DYNC2I1: variants seen among roughly 807,000 people sequenced by gnomAD.
The protein encoded by DYNC2I1 is dynein 2 intermediate chain 1.
In DYNC2I1, 89 loss-of-function variants were observed where a neutral mutation model predicts 133.4. The ratio of observed to expected loss-of-function variants is 0.67; its 90% CI spans 0.56 to 0.80. DYNC2I1 has a LOEUF of 0.80. Ranked by LOEUF, DYNC2I1 falls within the 30% of genes least tolerant of loss-of-function variation. DYNC2I1 has a pLI of 0.00. For missense variants in DYNC2I1, 1,291 were observed against 1,314.5 expected (o/e 0.98, Z 0.28); for synonymous variants, 504 against 484.3 (o/e 1.04, Z -0.54).
At chr7:158,884,085 C>T (rs1465085344) in intron 5 of DYNC2I1, among the ~76,000 whole-genome samples, 2 of 149,574 alleles carry the variant, frequency 1.3e-5, no homozygotes, top group Non-Finnish European at 3.0e-5. Flanking sequence ...CGCTCTGTCG[C>T]CCAGGCTGGA....
intron 14 of DYNC2I1, among the ~76,000 whole-genome samples, chr7:158,915,684 TCGACA>T (rs1848109964): frequency 7.7e-6 from 1 of 129,700 alleles, no homozygotes; most frequent in Non-Finnish European, 1.7e-5. Context: ...TTGTGAAACG[TCGACA>T]CGCTGGTTGA....
chr7:158,839,455 C>T, the DYNC2I1 span, among the ~76,000 whole-genome samples: 3 of 151,954 alleles, frequency 2.0e-5, no homozygotes, highest in Non-Finnish European at 1.5e-5. Context: ...TAATGTGACT[C>T]CGTAACACCT....
At chr7:158,947,495 C>G (rs1049691730), downstream of DYNC2I1, among the ~76,000 whole-genome samples, 9 of 152,228 alleles carry the variant, frequency 5.9e-5, no homozygotes, top group Non-Finnish European at 1.2e-4. Context: ...ACAGTTCGTT[C>G]TCTGTCCTGA....
rs757184722 is a variant in DYNC2I1 at position 158,930,517 on chromosome 7, T to TAAG, written c.2546+4_2546+6dup. 3.1e-6 allele frequency: 5 copies of TAAG among 1,612,144 alleles called. No homozygotes were observed. Among genetic ancestry groups the TAAG allele is most frequent in the Non-Finnish European group, 3.4e-6 (4 of 1,179,190 alleles). On this transcript the variant is annotated splice_region_variant and intron_variant, in intron 21 of 24. Coordinates refer to ENST00000407559, the MANE Select transcript of DYNC2I1 (RefSeq NM_018051.5). Reference sequence around the variant, plus strand: ...TGCTCTGATCCAGTTGGGTGACAGGTAAGATGTGAGGGAAAATGCTTCACT... The same window carrying TAAG: ...TGCTCTGATCCAGTTGGGTGACAGGTAAGAAGATGTGAGGGAAAATGCTTCACT...
intron 21 of DYNC2I1, among the ~76,000 whole-genome samples, chr7:158,930,966 C>A (rs1850163777): frequency 6.6e-6 from 1 of 152,168 alleles, no homozygotes. Flanking sequence ...CCACGCCCGG[C>A]CTTGTTAGTC....
At position 158,934,155 on chromosome 7, in the gene DYNC2I1, G is replaced by C. The variant is rs1387135947; in HGVS notation, c.2573G>C (p.Trp858Ser). 1 of 1,611,066 alleles carries C rather than the reference G, an allele frequency of 6.2e-7. No homozygotes were observed. Among genetic ancestry groups the C allele is most frequent in the Non-Finnish European group, 8.5e-7 (1 of 1,179,168 alleles). ...CTTTCCCATAAAGGTAATGAATTTTGGGGCACTACACAAACACTGAATGTT... is the reference window on the plus strand; with the variant it reads ...CTTTCCCATAAAGGTAATGAATTTTCGGGCACTACACAAACACTGAATGTT... ...DSLSHKGNEFWGTTQTLNVKF... is the reference protein window; with the variant it reads ...DSLSHKGNEFSGTTQTLNVKF... Residue 858 changes from tryptophan to serine, a missense_variant, in exon 22 of 25, where the codon TGG becomes TCG. Physicochemically the swap from Trp to Ser is radical, Grantham distance 177 (BLOSUM62 -3). Coordinates refer to ENST00000407559, the MANE Select transcript of DYNC2I1 (RefSeq NM_018051.5).
intron 15 of DYNC2I1, among the ~76,000 whole-genome samples, chr7:158,920,073 GTA>G (rs563833594): frequency 1.5e-3 from 224 of 147,496 alleles, no homozygotes; most frequent in African/African-American, 5.4e-3. Context: ...GTGTGTGTGT[GTA>G]TGGCAGCGCC....
In DYNC2I1 at chr7:158,879,815, A is replaced by T. The variant is rs1469717959; in HGVS notation, c.705A>T (p.Glu235Asp). Reference sequence around the variant, plus strand: ...ACCGAGAAAAAAGCAGCACAAGGGAAAAAAGAGAGAAATATTCCAAAGAGA... The same window carrying T: ...ACCGAGAAAAAAGCAGCACAAGGGATAAAAGAGAGAAATATTCCAAAGAGA... ...NKHREKSSTREKREKYSKEKS... is the reference protein window; with the variant it reads ...NKHREKSSTRDKREKYSKEKS... The change falls in exon 5 of 25, where the codon GAA becomes GAT. Residue 235 changes from glutamate (E) to aspartate (D), a missense_variant. By Grantham distance (45) the Glu-to-Asp change is conservative (BLOSUM62 2). Coordinates refer to ENST00000407559, the MANE Select transcript of DYNC2I1 (RefSeq NM_018051.5). 22 of 1,613,132 alleles carry T rather than the reference A, an allele frequency of 1.4e-5. No homozygotes were observed. The highest frequency in any genetic ancestry group is 1.8e-5 in the Non-Finnish European group (21 of 1,179,610).
chr7:158,893,863 G>GTACCACATATCA (rs1193687702), intron 8 of DYNC2I1, among the ~76,000 whole-genome samples: 3 of 151,036 alleles, frequency 2.0e-5, no homozygotes, highest in Non-Finnish European at 4.4e-5. Context: ...ACCACATATT[G>GTACCACATATCA]TACCACATAT....
At chr7:158,872,893 AG>A (rs1843006496) in intron 3 of DYNC2I1, among the ~76,000 whole-genome samples, 1 of 151,804 alleles carries the variant, frequency 6.6e-6, no homozygotes, top group Non-Finnish European at 1.5e-5. Context: ...TGGGAGGCTG[AG>A]GCATGAGAAT....
intron 1 of DYNC2I1, among the ~76,000 whole-genome samples, chr7:158,864,753 A>G (rs778960659): frequency 2.6e-5 from 4 of 151,854 alleles, no homozygotes; most frequent in African/African-American, 7.3e-5. Flanking sequence ...TAATCTTCCT[A>G]CCTCAGCCTA....
chr7:158,916,183 C>G (rs373458961), intron 14 of DYNC2I1, among the ~76,000 whole-genome samples: 2 of 51,586 alleles, frequency 3.9e-5, no homozygotes, highest in East Asian at 4.2e-4. Flanking sequence ...CGTCGACACG[C>G]TGGTTGACAT....
At chr7:158,868,446 A>G (rs528086387) in intron 1 of DYNC2I1, among the ~76,000 whole-genome samples, 3 of 152,360 alleles carry the variant, frequency 2.0e-5, no homozygotes, top group South Asian at 4.1e-4. Context: ...TGAAAGGTGG[A>G]TTATCCAACG....
In DYNC2I1 at chr7:158,911,621, C is replaced by G; in HGVS notation, c.1532C>G (p.Pro511Arg). ...FSFTFSLLDL[P>R]PVNEYDMYIR... ...TTTACTTTCTCTCTCTTGGATCTAC[C>G]ACCAGTAAATGAATATGACATGTAT... The change falls in exon 12 of 25, where the codon CCA (proline) becomes CGA (arginine). Residue 511 changes from proline to arginine, a missense_variant. Physicochemically the swap from Pro to Arg is moderately radical, Grantham distance 103. Coordinates refer to ENST00000407559, the MANE Select transcript of DYNC2I1 (RefSeq NM_018051.5). 6.2e-7 allele frequency: 1 copy of G among 1,613,348 alleles called. No homozygotes were observed. Among genetic ancestry groups the G allele is most frequent in the Admixed American group, 1.7e-5 (1 of 59,974 alleles).
chr7:158,901,553 C>T (rs1846263426), intron 8 of DYNC2I1, among the ~76,000 whole-genome samples, 186 bp from the exon 9 acceptor site: 1 of 152,084 alleles, frequency 6.6e-6, no homozygotes, highest in Non-Finnish European at 1.5e-5. Flanking sequence ...CTTTTTGGTC[C>T]TACCTGTAAG....
At chr7:158,864,231 A>G (rs1842201464) in intron 1 of DYNC2I1, among the ~76,000 whole-genome samples, 1 of 152,060 alleles carries the variant, frequency 6.6e-6, no homozygotes, top group Admixed American at 6.5e-5. Flanking sequence ...CACATTCCTC[A>G]GATTAGTTTC....
intron 8 of DYNC2I1, among the ~76,000 whole-genome samples, chr7:158,891,564 A>G (rs1217524444): frequency 6.6e-6 from 1 of 152,124 alleles, no homozygotes; most frequent in African/African-American, 2.4e-5. Context: ...AAGGAATGTA[A>G]CTGGGTTGTG....
chr7:158,893,951 C>T (rs1845494413), intron 8 of DYNC2I1, among the ~76,000 whole-genome samples: 1 of 152,058 alleles, frequency 6.6e-6, no homozygotes, highest in Admixed American at 6.6e-5. Flanking sequence ...TACTGCACAT[C>T]TTACTGCATA....
At chr7:158,941,719 G>A (rs757849916) in intron 23 of DYNC2I1, among the ~76,000 whole-genome samples, 8 of 152,104 alleles carry the variant, frequency 5.3e-5, no homozygotes, top group Admixed American at 1.3e-4. Context: ...TCATCTCTAC[G>A]AACGATATAA....
Sources: gnomAD v4.1 joint callset for allele counts (sites outside exome capture counted in the v4.1 genomes callset) on GRCh38, gnomAD v4.1.1 for gene constraint, MANE v1.5 for transcripts, NCBI Gene and HGNC (gene_info 2026-07-23, HGNC 2026-07-21) for gene names.